STAB2: variants seen among roughly 807,000 people sequenced by gnomAD.
The protein encoded by STAB2 is stabilin-2.
STAB2 carries 288 observed loss-of-function variants against 338.1 expected under a neutral mutation model. The observed-to-expected ratio is 0.85, with a 90% CI of 0.77 to 0.94. The LOEUF is 0.94. Ranked by LOEUF, STAB2 falls within the 40% of genes least tolerant of loss-of-function variation. The probability of loss-of-function intolerance (pLI) is 0.00; values close to 1 mark genes in which losing one functional copy is unlikely to be tolerated. For synonymous variants in STAB2, 1,202 were observed against 1,193.3 expected (o/e 1.01, Z -0.15); for missense variants, 3,141 against 3,210.1 (o/e 0.98, Z 0.52).
At chr12:103,667,294 G>A (rs1458969667) in intron 19 of STAB2, among the ~76,000 whole-genome samples, 1 of 152,224 alleles carries the variant, frequency 6.6e-6, no homozygotes, top group Admixed American at 6.5e-5. Context: ...TGAGAGGGAG[G>A]AGAAGAGGAA....
At chr12:103,699,556 G>A (rs969245427) in intron 34 of STAB2, among the ~76,000 whole-genome samples, 1 of 151,818 alleles carries the variant, frequency 6.6e-6, no homozygotes, top group African/African-American at 2.4e-5. Flanking sequence ...TCACTATCAC[G>A]AGAACAGCAT....
chr12:103,701,977 TACACACACACACACACACAC>T (rs71097990), intron 34 of STAB2, among the ~76,000 whole-genome samples: 5,672 of 144,018 alleles, frequency 0.039, 186 homozygotes, highest in East Asian at 0.15. Context: ...TCAGCCCTGC[TACACACACACACACACACAC>T]ACACACACAC....
chr12:103,711,094 T>A (rs1228022960), intron 39 of STAB2, among the ~76,000 whole-genome samples: 3 of 152,130 alleles, frequency 2.0e-5, no homozygotes, highest in Non-Finnish European at 4.4e-5. Context: ...AGGAATAAAC[T>A]AGAAAGAATA....
At chr12:103,691,583 G>A (rs982973319) in intron 30 of STAB2, among the ~76,000 whole-genome samples, 2 of 152,150 alleles carry the variant, frequency 1.3e-5, no homozygotes, top group Admixed American at 6.5e-5. Flanking sequence ...ATTTATTGGT[G>A]TTTTAAATCA....
At position 103,703,206 on chromosome 12, in the gene STAB2, T is replaced by G. The variant is rs369769423; in HGVS notation, c.3773T>G (p.Ile1258Ser). 7 of 1,613,980 alleles carry G rather than the reference T, an allele frequency of 4.3e-6. No homozygotes were observed. The highest frequency in any genetic ancestry group is 5.9e-6 in the Non-Finnish European group (7 of 1,180,042). The change falls in exon 35 of 69, where the codon ATC (isoleucine) becomes AGC (serine). Residue 1258 changes from isoleucine (I) to serine (S), a missense_variant. Transcript: ENST00000388887. ...YTNVATDKGV[I>S]HGLGKVLEIQ... ...AATGTAGCCACTGATAAGGGAGTGA[T>G]CCATGGCTTGGGAAAAGTTCTGGAA...
At position 103,739,529 on chromosome 12, in the gene STAB2, G is replaced by C; in HGVS notation, c.5754+61G>C. 4 of 62,982 alleles carry C rather than the reference G, an allele frequency of 6.4e-5. No homozygotes were observed. In the South Asian group the frequency reaches 1.1e-3, roughly 17 times the overall value. The allele number at this position is 62,982 out of a possible 1,614,324, so 3.9% of individuals were successfully genotyped here. ...ATAGGTCTGTTTCATTATCAGACCT[G>C]TGTGTGTGTGTGTGTGTGTGTGTGT... On this transcript the variant is annotated intron_variant, in intron 54 of 68. Transcript: ENST00000388887.
intron 22 of STAB2, among the ~76,000 whole-genome samples, chr12:103,673,202 A>G (rs1037167519): frequency 2.6e-5 from 4 of 152,204 alleles, no homozygotes; most frequent in African/African-American, 9.7e-5. Context: ...GAATATCTTC[A>G]TGAAAGGTGA....
intron 1 of STAB2, among the ~76,000 whole-genome samples, chr12:103,590,558 C>G (rs1313330364): frequency 1.3e-5 from 2 of 152,190 alleles, no homozygotes; most frequent in African/African-American, 4.8e-5. Flanking sequence ...AGAGTGTATT[C>G]TGCCATATAT....
At chr12:103,664,113 G>GTTTTA (rs1874861836) in intron 18 of STAB2, among the ~76,000 whole-genome samples, 1 of 34,972 alleles carries the variant, frequency 2.9e-5, no homozygotes, top group Admixed American at 5.0e-4. Context: ...GGCTCAGCCA[G>GTTTTA]TTTTGTTTTG....
At chr12:103,765,337 T>C (rs183803860) in intron 68 of STAB2, among the ~76,000 whole-genome samples, 1 of 152,262 alleles carries the variant, frequency 6.6e-6, no homozygotes, top group Admixed American at 6.5e-5. Context: ...AAACCTACTA[T>C]TCAGACTACA....
Position 103,740,524 on chromosome 12 carries a change from T to C in STAB2, c.5755-106T>C, listed in dbSNP as rs1882493235. 9.6e-6 allele frequency: 14 copies of C among 1,464,590 alleles called. No homozygotes were observed. The East Asian group carries it at 3.8e-4, about 39-fold the overall frequency. 90.7% of individuals were successfully genotyped at this position (1,464,590 alleles called of 1,614,324 possible). A position where few individuals can be genotyped will look rare whatever the true frequency, so the allele number is the denominator to read the frequency against. On this transcript the variant is annotated intron_variant, in intron 54 of 68. Coordinates refer to ENST00000388887, the MANE Select transcript of STAB2 (RefSeq NM_017564.10). The stretch of plus-strand genomic sequence containing the variant: ...GTTGGCTCACACTGGAAGTCCCATT[T>C]TTTATTTGGGCAGTACCTAAGACCT...
At chr12:103,594,332 C>A in intron 2 of STAB2, 63 bp from the exon 3 acceptor site, 1 of 1,260,654 alleles carries the variant, frequency 7.9e-7, no homozygotes, top group Non-Finnish European at 1.2e-6. Flanking sequence ...TAAGGCAATT[C>A]TACCACCTAG....
At chr12:103,666,233 A>G in intron 18 of STAB2, 58 bp from the exon 19 acceptor site, 1 of 1,553,356 alleles carries the variant, frequency 6.4e-7, no homozygotes, top group Non-Finnish European at 8.9e-7. Context: ...CCACAGGACC[A>G]TCGCCACTGC....
intron 42 of STAB2, among the ~76,000 whole-genome samples, chr12:103,715,295 T>C (rs976258138): frequency 1.3e-5 from 2 of 151,908 alleles, no homozygotes; most frequent in Non-Finnish European, 2.9e-5. Flanking sequence ...CTGTGATGTT[T>C]CCATTATACA....
intron 49 of STAB2, among the ~76,000 whole-genome samples, chr12:103,730,587 A>G (rs1356011578): frequency 6.6e-6 from 1 of 152,136 alleles, no homozygotes; most frequent in Non-Finnish European, 1.5e-5. Flanking sequence ...TTTTATTTTT[A>G]TTTATTAATA....
chr12:103,706,564 C>A (rs1879365405), intron 37 of STAB2, among the ~76,000 whole-genome samples: 1 of 152,074 alleles, frequency 6.6e-6, no homozygotes, highest in Admixed American at 6.5e-5. Context: ...TTTTTCCTTT[C>A]CCTCTTTCCT....
At position 103,598,609 on chromosome 12, in the gene STAB2, G is replaced by C. The variant is rs576241489; in HGVS notation, c.331+4099G>C. ...ATGGGGGCCTGAGATGATAGAAGAT[G>C]ATATGAAAAGCAGGAAATAAATTAC... On this transcript the variant is annotated intron_variant, in intron 3 of 68. Transcript: ENST00000388887. 3.7e-4 allele frequency among the ~76,000 whole-genome samples: 56 copies of C among 152,260 alleles called. No homozygotes were observed. The Middle Eastern group carries it at 0.01, about 28-fold the overall frequency.
intron 3 of STAB2, among the ~76,000 whole-genome samples, chr12:103,600,124 G>A (rs934105895): frequency 1.3e-5 from 2 of 152,288 alleles, no homozygotes; most frequent in South Asian, 2.1e-4. Flanking sequence ...AAAGTGGTTG[G>A]CAATAGTACA....
intron 22 of STAB2, 27 bp from the exon 23 acceptor site, chr12:103,673,880 C>A (rs375313058): frequency 6.3e-7 from 1 of 1,598,876 alleles, no homozygotes; most frequent in Non-Finnish European, 8.5e-7. Context: ...AAGGCCTGGA[C>A]GGATGTCCCT....
Sources: allele counts gnomAD v4.1 joint callset (sites outside exome capture counted in the v4.1 genomes callset), GRCh38; gene constraint gnomAD v4.1.1; transcripts MANE v1.5; gene names NCBI Gene and HGNC (gene_info 2026-07-23, HGNC 2026-07-21).